TTC28: variants seen among roughly 807,000 people sequenced by gnomAD.
TTC28 encodes tetratricopeptide repeat domain 28, also known as tetratricopeptide repeat protein 28.
Under a neutral mutation model 198.0 loss-of-function variants are expected in TTC28, and 61 were observed. The observed-to-expected ratio is 0.31, with a 90% confidence interval of 0.25 to 0.38. TTC28 has a LOEUF of 0.38. Among genes scored for constraint, TTC28 ranks in the 10% least tolerant of loss-of-function variants. TTC28 has a pLI of 1.00. For synonymous variants in TTC28, 1,171 were observed against 1,297.8 expected, an observed-to-expected ratio of 0.90 and a Z score of 2.10; for missense variants, 2,678 against 3,164.0, an observed-to-expected ratio of 0.85 and a Z score of 3.69.
At chr22:28,200,502 TGA>T (rs1197684459) in intron 5 of TTC28, among the ~76,000 whole-genome samples, 1 of 150,942 alleles carries the variant, frequency 6.6e-6, no homozygotes, top group Non-Finnish European at 1.5e-5. Flanking sequence ...CCAAATGGAG[TGA>T]GAGATAGTGT....
At position 28,105,400 on chromosome 22, in the gene TTC28, C is replaced by A. The variant is rs1219053976; in HGVS notation, c.3186G>T (p.Gln1062His). Reference protein sequence around the residue: ...TFERAVVYQEQHLSIAAQMND... With the variant: ...TFERAVVYQEHHLSIAAQMND... The stretch of plus-strand genomic sequence containing the variant: ...TCATCTGTGCAGCAATGCTCAAGTG[C>A]TGTTCTTGATAGACCACAGCCCTCT... Residue 1062 changes from glutamine (Q) to histidine (H), a missense_variant, in exon 8 of 23, where the codon CAG (glutamine) becomes CAT (histidine). Physicochemically the swap from Gln to His is conservative, Grantham distance 24 (BLOSUM62 0). Around this residue, in one of 8 missense-constraint regions of TTC28, gnomAD observed 727 missense variants for 861.9 expected, o/e 0.84. Transcript: ENST00000397906. 1.3e-6 allele frequency: 2 copies of A among 1,551,656 alleles called. No individual in the cohort carries two copies. The highest frequency in any genetic ancestry group is 2.7e-5 in the African/African-American group (2 of 73,052).
chr22:28,513,871 A>G (rs1182485961), intron 2 of TTC28, among the ~76,000 whole-genome samples: 1 of 152,110 alleles, frequency 6.6e-6, no homozygotes, highest in Non-Finnish European at 1.5e-5. Context: ...ATAACAATAT[A>G]GTTTATTATT....
intron 12 of TTC28, among the ~76,000 whole-genome samples, chr22:28,062,437 T>TTATTTGAA (rs1940584602): frequency 6.8e-6 from 1 of 147,714 alleles, no homozygotes; most frequent in Non-Finnish European, 1.5e-5. Flanking sequence ...TTTTTTGGAA[T>TTATTTGAA]TATTTGAATA....
chr22:27,993,329 C>T lies in TTC28; in HGVS notation c.5434G>A (p.Asp1812Asn), dbSNP rs553747967. ...GTGCTGCTGCACTGCTGGAGCCGGTCGCCCGGGTCGGAGGTTGGGAAGAAG... is the reference window on the plus strand; with the variant it reads ...GTGCTGCTGCACTGCTGGAGCCGGTTGCCCGGGTCGGAGGTTGGGAAGAAG... Reference protein sequence around the residue: ...AVFFPTSDPGDRLQQCSSTLQ... With the variant: ...AVFFPTSDPGNRLQQCSSTLQ... Residue 1812 changes from aspartate to asparagine, a missense_variant, in exon 18 of 23, where the codon GAC (aspartate) becomes AAC (asparagine). Around this residue, in one of 8 missense-constraint regions of TTC28, gnomAD observed 314 missense variants for 442.7 expected, o/e 0.71. Transcript: ENST00000397906. 3.9e-6 allele frequency: 6 copies of T among 1,549,052 alleles called. No individual in the cohort carries two copies. Among genetic ancestry groups the T allele is most frequent in the African/African-American group, 2.7e-5 (2 of 73,168 alleles).
At chr22:28,183,268 C>T (rs1039527598) in intron 5 of TTC28, among the ~76,000 whole-genome samples, 2 of 152,058 alleles carry the variant, frequency 1.3e-5, no homozygotes, top group Non-Finnish European at 2.9e-5. Context: ...CTACGTTGCC[C>T]AGGCTGGTCT....
rs185687530 is a variant in TTC28, at chr22:28,284,214, G to A, written c.933+11984C>T. Among the ~76,000 whole-genome samples, 573 of 152,198 alleles carry A rather than the reference G, an allele frequency of 3.8e-3. 7 individuals are homozygous for A. The highest frequency in any genetic ancestry group is 0.028 in the South Asian group (134 of 4,812). Reference sequence around the variant, plus strand: ...CATAGTAAGCACAAGCATGTTGAATGGATAAATGGATGAGATTATTAAAAT... The same window carrying A: ...CATAGTAAGCACAAGCATGTTGAATAGATAAATGGATGAGATTATTAAAAT... On this transcript the variant is annotated intron_variant, in intron 5 of 22. Coordinates refer to ENST00000397906, the MANE Select transcript of TTC28 (RefSeq NM_001145418.2).
chr22:28,008,741 A>T (rs538008559), intron 14 of TTC28, among the ~76,000 whole-genome samples: 2 of 152,314 alleles, frequency 1.3e-5, no homozygotes, highest in East Asian at 3.9e-4. Context: ...CGAAGGGCCC[A>T]ACTGAAAACT....
chr22:28,404,113 TTTTGTTTG>T (rs921526846), intron 2 of TTC28, among the ~76,000 whole-genome samples: 2 of 152,052 alleles, frequency 1.3e-5, no homozygotes, highest in Non-Finnish European at 2.9e-5. Context: ...AATATATGTT[TTTTGTTTG>T]TTTGTTTGTT....
intron 2 of TTC28, among the ~76,000 whole-genome samples, chr22:28,314,566 T>C (rs1037185149): frequency 6.6e-6 from 1 of 152,136 alleles, no homozygotes; most frequent in Non-Finnish European, 1.5e-5. Flanking sequence ...ACCACACATC[T>C]ACCACCATCT....
In TTC28 at chr22:28,306,481, T is replaced by G. The variant is rs1195178949; in HGVS notation, c.529+15A>C. 6.5e-7 allele frequency: 1 copy of G among 1,545,764 alleles called. No individual in the cohort carries two copies. Among genetic ancestry groups the G allele is most frequent in the Non-Finnish European group, 8.7e-7 (1 of 1,145,370 alleles). On this transcript the variant is annotated intron_variant, in intron 3 of 22. Transcript: ENST00000397906. ...TTTAAATTAATGTTATACCAAGTAC[T>G]TTTATCATATTTACCTCTCATGGGA...
intron 5 of TTC28, among the ~76,000 whole-genome samples, chr22:28,186,847 T>A (rs1924249490): frequency 6.6e-6 from 1 of 152,192 alleles, no homozygotes; most frequent in African/African-American, 2.4e-5. Context: ...GTAGCTCTGA[T>A]GGTGCCCCAC....
intron 2 of TTC28, among the ~76,000 whole-genome samples, chr22:28,455,144 C>A (rs189178364): frequency 3.5e-4 from 54 of 152,266 alleles, no homozygotes; most frequent in Non-Finnish European, 6.9e-4. Context: ...AATATTCATA[C>A]CACCTATAAC....
At chr22:28,084,347 G>A (rs1375858500) in intron 12 of TTC28, among the ~76,000 whole-genome samples, 9 of 152,188 alleles carry the variant, frequency 5.9e-5, no homozygotes, top group Admixed American at 5.9e-4. Flanking sequence ...AGCATTTGCG[G>A]TTCACCAATA....
chr22:28,073,837 T>C (rs16985951), intron 12 of TTC28, among the ~76,000 whole-genome samples: 3,381 of 152,334 alleles, frequency 0.022, 38 homozygotes, highest in Non-Finnish European at 0.028. Context: ...AGGAGCTGAC[T>C]TAAGCTTAAC....
At chr22:28,207,288 T>C (rs1434793768) in intron 5 of TTC28, among the ~76,000 whole-genome samples, 3 of 148,246 alleles carry the variant, frequency 2.0e-5, no homozygotes, top group Admixed American at 6.7e-5. Flanking sequence ...AGCTGTGATA[T>C]CATTCTGGGT....
intron 5 of TTC28, among the ~76,000 whole-genome samples, chr22:28,166,139 T>C (rs1260259761): frequency 6.6e-6 from 1 of 152,190 alleles, no homozygotes; most frequent in African/African-American, 2.4e-5. Context: ...CCTAAATACA[T>C]ATGCACCCAA....
At chr22:28,125,739 C>G (rs1942898551) in intron 6 of TTC28, among the ~76,000 whole-genome samples, 1 of 152,142 alleles carries the variant, frequency 6.6e-6, no homozygotes. Context: ...ACTGGCTGAA[C>G]AGTGATTTTT....
At chr22:28,106,439 C>A (rs1942305380) in intron 7 of TTC28, among the ~76,000 whole-genome samples, 1 of 152,120 alleles carries the variant, frequency 6.6e-6, no homozygotes, top group Non-Finnish European at 1.5e-5. Flanking sequence ...TGAATTAGTT[C>A]CCCTGAGCCT....
At chr22:28,591,121 T>A (rs950552222) in intron 2 of TTC28, among the ~76,000 whole-genome samples, 11 of 143,330 alleles carry the variant, frequency 7.7e-5, no homozygotes, top group Non-Finnish European at 1.7e-4. Context: ...AATTATTTTT[T>A]ATTTGGAGAC....
Sources: allele counts gnomAD v4.1 joint callset (sites outside exome capture counted in the v4.1 genomes callset), GRCh38; gene constraint gnomAD v4.1.1; regional missense constraint gnomAD v4.1.1; transcripts MANE v1.5; gene names NCBI Gene and HGNC (gene_info 2026-07-23, HGNC 2026-07-21).